SUN1: variants seen among roughly 807,000 people sequenced by gnomAD.
SUN1 encodes Sad1 and UNC84 domain containing 1.
In SUN1, 61 loss-of-function variants were observed where a neutral mutation model predicts 103.2. The observed-to-expected ratio is 0.59, with a 90% CI of 0.48 to 0.73. The LOEUF (loss-of-function observed/expected upper bound fraction) is 0.73, where lower values mean the gene tolerates loss of function less well. Ranked by LOEUF, SUN1 falls within the 30% of genes least tolerant of loss-of-function variation. The probability of loss-of-function intolerance (pLI) is 0.00; values close to 1 mark genes in which losing one functional copy is unlikely to be tolerated. For missense variants in SUN1, 1,052 were observed against 1,034.6 expected, an observed-to-expected ratio of 1.02 and a Z score of -0.23; for synonymous variants, 490 against 425.7, an observed-to-expected ratio of 1.15 and a Z score of -1.86.
intron 9 of SUN1, chr7:853,197 AG>A (rs1823874303): frequency 2.7e-6 from 2 of 734,736 alleles, no homozygotes; most frequent in East Asian, 5.4e-5. Flanking sequence ...CACTGTACAA[AG>A]TACAGAAAGT....
chr7:848,665 T>C (rs746814685), intron 5 of SUN1: 19 of 1,243,624 alleles, frequency 1.5e-5, no homozygotes, highest in Non-Finnish European at 2.0e-5. Context: ...ACTTTCGCAG[T>C]GGAGAAAGTG....
intron 1 of SUN1, among the ~76,000 whole-genome samples, chr7:824,922 T>C (rs904064553): frequency 7.9e-5 from 12 of 152,298 alleles, no homozygotes; most frequent in African/African-American, 2.4e-4. Context: ...CTTCTGTTTC[T>C]AGCCCCTGTG....
chr7:850,587 C>T (rs1820920316), intron 5 of SUN1: 1 of 153,628 alleles, frequency 6.5e-6, no homozygotes, highest in Non-Finnish European at 1.4e-5. Context: ...GCATGTCAAC[C>T]ATGTTGTAAT....
At chr7:829,648 A>G (rs1299883883), upstream of SUN1, among the ~76,000 whole-genome samples, 1 of 145,068 alleles carries the variant, frequency 6.9e-6, no homozygotes, top group Non-Finnish European at 1.5e-5. Flanking sequence ...TCCGCTTCCC[A>G]GGTTCATGCC....
intron 1 of SUN1, among the ~76,000 whole-genome samples, chr7:821,012 A>G (rs1334225346): frequency 6.6e-6 from 1 of 151,950 alleles, no homozygotes; most frequent in Non-Finnish European, 1.5e-5. Flanking sequence ...GTCAGTTTTT[A>G]TTCATCTATC....
At chr7:856,446 G>C in intron 12 of SUN1, 45 bp downstream of exon 12, 1 of 1,608,488 alleles carries the variant, frequency 6.2e-7, no homozygotes, top group South Asian at 1.1e-5. Flanking sequence ...CGGTGTGTGT[G>C]TGTGGTTATG....
At chr7:865,178 G>C (rs1835457960) in intron 15 of SUN1, among the ~76,000 whole-genome samples, 1 of 152,156 alleles carries the variant, frequency 6.6e-6, no homozygotes, top group South Asian at 2.1e-4. Flanking sequence ...GCTGGAGTCA[G>C]TGACGTGATC....
chr7:840,082 C>T (rs1807775692), intron 2 of SUN1, among the ~76,000 whole-genome samples: 2 of 152,174 alleles, frequency 1.3e-5, no homozygotes, highest in Non-Finnish European at 2.9e-5. Flanking sequence ...AGCTTCCGTT[C>T]CAGTCATCTT....
chr7:852,581 A>G (rs982900243), intron 7 of SUN1, 28 bp from the exon 8 acceptor site: 4 of 1,613,914 alleles, frequency 2.5e-6, no homozygotes, highest in South Asian at 1.1e-5. Flanking sequence ...ATTTTTTCTA[A>G]GTCAAAGGTT....
intron 2 of SUN1, 59 bp from the exon 3 acceptor site, chr7:841,887 T>A (rs1468038316): frequency 1.3e-6 from 2 of 1,558,020 alleles, no homozygotes; most frequent in East Asian, 4.5e-5. Flanking sequence ...TGGTCAAATG[T>A]AATCATTTTG....
intron 2 of SUN1, among the ~76,000 whole-genome samples, chr7:840,582 T>C (rs1265988247): frequency 6.6e-6 from 1 of 152,168 alleles, no homozygotes; most frequent in Non-Finnish European, 1.5e-5. Flanking sequence ...TCTGATGGCT[T>C]TCCTGTTGTC....
intron 13 of SUN1, among the ~76,000 whole-genome samples, chr7:859,035 C>T (rs561266859): frequency 6.6e-6 from 1 of 152,090 alleles, no homozygotes; most frequent in Admixed American, 6.6e-5. Context: ...TGCCTGTAAT[C>T]TCAGCTACTT....
At position 872,489 on chromosome 7, in the gene SUN1, A is replaced by G. The variant is rs534832884; in HGVS notation, c.2168A>G (p.Gln723Arg). The G allele has an allele frequency of 4.4e-6, 7 of 1,604,348 alleles. No individual in the cohort carries two copies. The highest frequency in any genetic ancestry group is 5.1e-6 in the Non-Finnish European group (6 of 1,175,320). Residue 723 changes from glutamine to arginine, a missense_variant, in exon 18 of 19, where the codon CAG (glutamine) becomes CGG (arginine). Physicochemically the swap from Gln to Arg is conservative, Grantham distance 43. Coordinates refer to ENST00000401592, the MANE Select transcript of SUN1 (RefSeq NM_001130965.3). ...TTTCAGGGATTAGAAAATGAGTATC[A>G]GGAAGAAGGGCAGCTTCTGGGACAG... The part of the protein sequence containing the change: ...FAVYGLENEY[Q>R]EEGQLLGQFT...
Position 832,524 on chromosome 7 carries a change from C to T in SUN1, c.-1C>T. ...CTGCAGTATGGTTTGAAGTGGTGAACATGGATTTTTCTCGGCTTCACATGT... is the reference window on the plus strand; with the variant it reads ...CTGCAGTATGGTTTGAAGTGGTGAATATGGATTTTTCTCGGCTTCACATGT... On this transcript the variant is annotated 5_prime_UTR_variant, in exon 1 of 19. Transcript: ENST00000401592. 6.2e-7 allele frequency: 1 copy of T among 1,613,020 alleles called. No individual in the cohort carries two copies. The highest frequency in any genetic ancestry group is 8.5e-7 in the Non-Finnish European group (1 of 1,179,496).
upstream of SUN1, among the ~76,000 whole-genome samples, chr7:830,356 T>C (rs1796787733): frequency 6.6e-6 from 1 of 152,220 alleles, no homozygotes; most frequent in African/African-American, 2.4e-5. Context: ...GCCAGGACAT[T>C]TCCCTAGATC....
At chr7:852,369 C>T (rs1419659721) in intron 7 of SUN1, 12 of 605,764 alleles carry the variant, frequency 2.0e-5, no homozygotes, top group East Asian at 1.4e-4. Flanking sequence ...GAAGGGGCAG[C>T]GACTCAGGGT....
chr7:834,297 GC>G (rs1161107095), intron 1 of SUN1, among the ~76,000 whole-genome samples: 2 of 152,172 alleles, frequency 1.3e-5, no homozygotes, highest in East Asian at 1.9e-4. Flanking sequence ...AAGGTGGGGG[GC>G]TCTCTGAGGT....
At chr7:869,663 G>C in intron 17 of SUN1, 147 bp downstream of exon 17, 1 of 1,005,846 alleles carries the variant, frequency 9.9e-7, no homozygotes, top group Non-Finnish European at 1.4e-6. Flanking sequence ...GAACATTCCA[G>C]TGCTTTTCTA....
At chr7:869,048 C>G (rs4427066) in intron 16 of SUN1, 2 of 383,614 alleles carry the variant, frequency 5.2e-6, no homozygotes, top group Non-Finnish European at 9.8e-6. Context: ...TGGAGGGCAT[C>G]TTGCCACGAC....
Sources: gnomAD v4.1 joint callset for allele counts (sites outside exome capture counted in the v4.1 genomes callset) on GRCh38, gnomAD v4.1.1 for gene constraint, MANE v1.5 for transcripts, NCBI Gene and HGNC (gene_info 2026-07-23, HGNC 2026-07-21) for gene names.